IFT80: variants seen among roughly 807,000 people sequenced by gnomAD.
The protein encoded by IFT80 is intraflagellar transport protein 80 homolog.
Under a neutral mutation model 107.9 loss-of-function variants are expected in IFT80, and 79 were observed. The observed-to-expected ratio is 0.73, with a 90% CI of 0.61 to 0.88. The LOEUF is 0.88. Ranked by LOEUF, IFT80 falls within the 40% of genes least tolerant of loss-of-function variation. IFT80 has a pLI of 0.00. For synonymous variants in IFT80, 299 were observed against 300.9 expected (o/e 0.99, Z 0.07); for missense variants, 797 against 914.2 (o/e 0.87, Z 1.65).
At chr3:160,383,917 A>T (rs1371417573) in intron 2 of IFT80, 1 of 985,284 alleles carries the variant, frequency 1.0e-6, no homozygotes, top group Admixed American at 6.2e-5. Flanking sequence ...TACATGCTAG[A>T]TCACACTAGC....
At position 160,257,707 on chromosome 3, in the gene IFT80, T is replaced by C. The variant is rs1042537482; in HGVS notation, c.*818A>G. ...CATCATCGCTATCCATTTCCAGAAT[T>C]TGTTCATCCCAAACAGAAACTATGT... On this transcript the variant is annotated 3_prime_UTR_variant, in exon 20 of 20. Coordinates refer to ENST00000326448, the MANE Select transcript of IFT80 (RefSeq NM_020800.3). The C allele has an allele frequency of 6.6e-6, 1 of 152,186 alleles. No homozygotes were observed. Among genetic ancestry groups the C allele is most frequent in the Non-Finnish European group, 1.5e-5 (1 of 68,034 alleles). The allele number at this position is 152,186 out of a possible 1,614,324, so 9.4% of individuals were successfully genotyped here. A position where few individuals can be genotyped will look rare whatever the true frequency, so the allele number is the denominator to read the frequency against.
At chr3:160,395,152 C>T (rs1713680693) in intron 1 of IFT80, among the ~76,000 whole-genome samples, 1 of 152,106 alleles carries the variant, frequency 6.6e-6, no homozygotes, top group Non-Finnish European at 1.5e-5. Context: ...CTATAAAACC[C>T]TAATAAATAA....
chr3:160,258,436 C>CT lies in IFT80; in HGVS notation c.*88dup, dbSNP rs1285191041. Reference sequence around the variant, plus strand: ...TACTTATACTCGGTTAAAGATTATGCTTTTTTCTTTAGCAACCAAAACATG... The same window carrying CT: ...TACTTATACTCGGTTAAAGATTATGCTTTTTTTCTTTAGCAACCAAAACATG... On this transcript the variant is annotated 3_prime_UTR_variant, in exon 20 of 20. Transcript: ENST00000326448. The CT allele has an allele frequency of 2.6e-6, 4 of 1,538,736 alleles. No homozygotes were observed. In the African/African-American group the frequency reaches 5.5e-5, roughly 21 times the overall value.
At chr3:160,336,593 G>A (rs986197718) in intron 8 of IFT80, among the ~76,000 whole-genome samples, 32 of 149,654 alleles carry the variant, frequency 2.1e-4, no homozygotes, top group Non-Finnish European at 3.9e-4. Flanking sequence ...ATGTGTGTAT[G>A]TGTGTGTGTG....
chr3:160,349,898 G>A (rs1720554280), intron 8 of IFT80, among the ~76,000 whole-genome samples: 2 of 152,068 alleles, frequency 1.3e-5, no homozygotes, highest in South Asian at 4.1e-4. Flanking sequence ...AAGAAGAAAA[G>A]GTGAAGAGTC....
chr3:160,341,502 A>G (rs532142562), intron 8 of IFT80, among the ~76,000 whole-genome samples: 1 of 152,246 alleles, frequency 6.6e-6, no homozygotes, highest in African/African-American at 2.4e-5. Flanking sequence ...AAAATTACCA[A>G]AATAGGTGCA....
intron 1 of IFT80, among the ~76,000 whole-genome samples, chr3:160,389,954 A>C (rs1313443318): frequency 6.6e-6 from 1 of 152,192 alleles, no homozygotes; most frequent in Non-Finnish European, 1.5e-5. Flanking sequence ...CCAACAGTGT[A>C]AAAGTGTTCC....
At position 160,303,916 on chromosome 3, in the gene IFT80, T is replaced by C; in HGVS notation, c.1150A>G (p.Arg384Gly). ...CAGTAGTTAAACATAATAAATTACCTTTCTGCCTGCAGAATCAAACTAACA... is the reference window on the plus strand; with the variant it reads ...CAGTAGTTAAACATAATAAATTACCCTTCTGCCTGCAGAATCAAACTAACA... ...GTVSLILQAERHFLLVDGSSI... is the reference protein window; with the variant it reads ...GTVSLILQAEGHFLLVDGSSI... Residue 384 changes from arginine (R) to glycine (G), a missense_variant and splice_region_variant, in exon 11 of 20, where the codon AGA becomes GGA. Transcript: ENST00000326448. 1 of 1,593,748 alleles carries C rather than the reference T, an allele frequency of 6.3e-7. No individual in the cohort carries two copies. Among genetic ancestry groups the C allele is most frequent in the Middle Eastern group, 1.7e-4 (1 of 6,028 alleles).
At chr3:160,321,364 A>G (rs1033905257) in intron 8 of IFT80, among the ~76,000 whole-genome samples, 2 of 151,982 alleles carry the variant, frequency 1.3e-5, no homozygotes, top group Non-Finnish European at 1.5e-5. Context: ...GACTTGATAT[A>G]TTAACATATA....
At chr3:160,370,458 A>G (rs1285187835) in intron 5 of IFT80, among the ~76,000 whole-genome samples, 2 of 152,066 alleles carry the variant, frequency 1.3e-5, no homozygotes, top group Admixed American at 1.3e-4. Flanking sequence ...TGTAGGAGAC[A>G]TGAGCTAACA....
intron 18 of IFT80, among the ~76,000 whole-genome samples, chr3:160,273,702 G>C (rs1020170789): frequency 4.6e-5 from 7 of 152,146 alleles, no homozygotes; most frequent in African/African-American, 1.7e-4. Flanking sequence ...ATTGAATTCT[G>C]GAAGCAAATA....
intron 8 of IFT80, among the ~76,000 whole-genome samples, chr3:160,327,531 A>G (rs1718757276): frequency 6.6e-6 from 1 of 151,944 alleles, no homozygotes; most frequent in South Asian, 2.1e-4. Context: ...CTGCACACCT[A>G]CAACTATCTG....
chr3:160,398,844 T>C (rs1714100260), intron 1 of IFT80, among the ~76,000 whole-genome samples: 1 of 152,184 alleles, frequency 6.6e-6, no homozygotes, highest in South Asian at 2.1e-4. Context: ...TTAGTCAAAT[T>C]ATTTTAAAAG....
chr3:160,317,802 T>G (rs964426945), intron 9 of IFT80, among the ~76,000 whole-genome samples: 1 of 151,840 alleles, frequency 6.6e-6, no homozygotes, highest in Non-Finnish European at 1.5e-5. Flanking sequence ...ACAAACAAAA[T>G]GCAGGACAGA....
chr3:160,257,633 T>C lies in IFT80; in HGVS notation c.*892A>G, dbSNP rs1402480811. On this transcript the variant is annotated 3_prime_UTR_variant, in exon 20 of 20. Coordinates refer to ENST00000326448, the MANE Select transcript of IFT80 (RefSeq NM_020800.3). ...ATAACAAAATTTACCATTTTAACCA[T>C]TTTTATGGGTACAATTTAGTGGCAT... The C allele has an allele frequency of 1.3e-5, 2 of 152,180 alleles. No individual in the cohort carries two copies. Among genetic ancestry groups the C allele is most frequent in the Non-Finnish European group, 2.9e-5 (2 of 68,028 alleles). The allele number at this position is 152,180 out of a possible 1,614,324, so 9.4% of individuals were successfully genotyped here. A position where few individuals can be genotyped will look rare whatever the true frequency, so the allele number is the denominator to read the frequency against.
chr3:160,282,242 T>A (rs773820125), intron 14 of IFT80, among the ~76,000 whole-genome samples: 1 of 152,088 alleles, frequency 6.6e-6, no homozygotes, highest in Non-Finnish European at 1.5e-5. Context: ...ATCTTGCCAC[T>A]CCACTCCAGC....
At chr3:160,303,292 T>C (rs534029152) in intron 11 of IFT80, among the ~76,000 whole-genome samples, 4 of 152,322 alleles carry the variant, frequency 2.6e-5, no homozygotes, top group African/African-American at 7.2e-5. Context: ...AAGAGACTAA[T>C]TGACAGTTTT....
At chr3:160,320,990 C>T (rs1718172786) in intron 8 of IFT80, among the ~76,000 whole-genome samples, 1 of 151,880 alleles carries the variant, frequency 6.6e-6, no homozygotes, top group Admixed American at 6.6e-5. Context: ...TCTTTTACAA[C>T]TCTCCCCACC....
chr3:160,366,517 TCCCATCATTGACAGCCATCA>T lies in IFT80; in HGVS notation c.440-385_440-366del, dbSNP rs1343134063. The stretch of plus-strand genomic sequence containing the variant: ...AGCAGAAAAGTCATGATTTATCATT[TCCCATCATTGACAGCCATCA>T]GTATGTATTTATTTATTGGCAGCAA... On this transcript the variant is annotated intron_variant, in intron 5 of 19. Coordinates refer to ENST00000326448, the MANE Select transcript of IFT80 (RefSeq NM_020800.3). Among the ~76,000 whole-genome samples the T allele has an allele frequency of 7.2e-5, 11 of 152,250 alleles. No homozygotes were observed. The South Asian group carries it at 1.2e-3, about 17-fold the overall frequency.
Sources: allele counts gnomAD v4.1 joint callset (sites outside exome capture counted in the v4.1 genomes callset), GRCh38; gene constraint gnomAD v4.1.1; transcripts MANE v1.5; gene names NCBI Gene and HGNC (gene_info 2026-07-23, HGNC 2026-07-21).